GAREM1: variants seen among roughly 807,000 people sequenced by gnomAD.
GAREM1 encodes GRB2 associated regulator of MAPK1 subtype 1.
A neutral mutation model predicts 71.3 loss-of-function variants in GAREM1; 26 were observed. The observed-to-expected ratio is 0.36, with a 90% confidence interval of 0.27 to 0.51. The LOEUF (loss-of-function observed/expected upper bound fraction) is 0.51. GAREM1 is among the 20% of genes least tolerant of loss of function. The pLI is 0.95. For synonymous variants in GAREM1, 440 were observed against 433.2 expected (o/e 1.02, Z -0.20); for missense variants, 1,026 against 1,103.1 (o/e 0.93, Z 0.99).
At chr18:32,377,287 A>C (rs1483300522) in intron 2 of GAREM1, among the ~76,000 whole-genome samples, 1 of 152,194 alleles carries the variant, frequency 6.6e-6, no homozygotes, top group Non-Finnish European at 1.5e-5. Flanking sequence ...TGTTGCTTTA[A>C]GCCATAAGGA....
chr18:32,470,440 C>T lies in GAREM1; in HGVS notation c.-12G>A. On this transcript the variant is annotated 5_prime_UTR_variant, in exon 1 of 6. Transcript: ENST00000269209. This position sits in a 1 kb window ranked among gnomAD's most constrained non-coding sequence, Gnocchi z 4.4. ...GGCGCCGGGTCCATCTTCCCCGAAG[C>T]CTCCTGTCCCGCGCTCCCCCGCCGC... The T allele has an allele frequency of 7.1e-7, 1 of 1,405,016 alleles. No individual in the cohort carries two copies. Among genetic ancestry groups the T allele is most frequent in the Non-Finnish European group, 9.4e-7 (1 of 1,063,236 alleles). The allele number at this position is 1,405,016 out of a possible 1,614,324, so 87.0% of individuals were successfully genotyped here. A position where few individuals can be genotyped will look rare whatever the true frequency, so the allele number is the denominator to read the frequency against.
At chr18:32,412,425 C>T in intron 1 of GAREM1, 2 of 1,586,158 alleles carry the variant, frequency 1.3e-6, no homozygotes, top group Non-Finnish European at 1.7e-6. Context: ...AAAATTGCTT[C>T]CATCATTACC....
intron 1 of GAREM1, among the ~76,000 whole-genome samples, chr18:32,442,265 T>C (rs1283757617): frequency 6.6e-6 from 1 of 152,112 alleles, no homozygotes; most frequent in Non-Finnish European, 1.5e-5. Context: ...AACTCAGCTA[T>C]TTATAGCAAA....
rs755245616 is a variant in GAREM1, at chr18:32,392,938, G to A, written c.219C>T (p.His73=). 6.2e-7 allele frequency: 1 copy of A among 1,613,862 alleles called. No individual in the cohort carries two copies. Among genetic ancestry groups the A allele is most frequent in the South Asian group, 1.1e-5 (1 of 91,070 alleles). Residue 73 remains histidine, a synonymous_variant, in exon 2 of 6, where the codon CAC becomes CAT. Coordinates refer to ENST00000269209, the MANE Select transcript of GAREM1 (RefSeq NM_001242409.2). ...TCTCTATCTTTGGCCCAATGACATA[G>A]TGACCCTCCTCCAAGCTGTGGGCAG... is the stretch of plus-strand genomic sequence containing the variant. The part of the protein sequence containing the change: ...TITAHSLEEG[H]YVIGPKIEIP...
intron 2 of GAREM1, among the ~76,000 whole-genome samples, chr18:32,371,792 T>C (rs1320475712): frequency 6.6e-6 from 1 of 152,024 alleles, no homozygotes; most frequent in Non-Finnish European, 1.5e-5. Flanking sequence ...TGGTGATGTC[T>C]TGGTAGCCCT....
In GAREM1 at chr18:32,268,067, G is replaced by A. The variant is rs1320322008; in HGVS notation, c.2435C>T (p.Ser812Phe). The A allele has an allele frequency of 6.2e-7, 1 of 1,614,110 alleles. No homozygotes were observed. Residue 812 changes from serine to phenylalanine, a missense_variant, in exon 6 of 6, where the codon TCT becomes TTT. Ser to Phe is a radical substitution (Grantham distance 155, BLOSUM62 -2). Coordinates refer to ENST00000269209, the MANE Select transcript of GAREM1 (RefSeq NM_001242409.2). ...TAGTGACTTGGACACTTCCTCTATA[G>A]AGAGTCCTGATAGGTCAGCAGGTGG... is the stretch of plus-strand genomic sequence containing the variant. ...WQPPADLSGL[S>F]IEEVSKSLRF... is the part of the protein sequence containing the mutation.
chr18:32,433,352 G>GTT (rs2048642679), intron 1 of GAREM1, among the ~76,000 whole-genome samples: 1 of 150,922 alleles, frequency 6.6e-6, no homozygotes, highest in Non-Finnish European at 1.5e-5. Flanking sequence ...AAGAACAAAT[G>GTT]TTTTCCCCCT....
intron 1 of GAREM1, among the ~76,000 whole-genome samples, chr18:32,452,365 C>A (rs896564582): frequency 2.0e-5 from 3 of 152,142 alleles, no homozygotes; most frequent in Non-Finnish European, 4.4e-5. Context: ...CAGTATATTG[C>A]GGCTCTTCAA....
chr18:32,297,081 G>A (rs976536387), intron 3 of GAREM1, among the ~76,000 whole-genome samples: 2 of 152,146 alleles, frequency 1.3e-5, no homozygotes, highest in Non-Finnish European at 2.9e-5. Flanking sequence ...ATAGTCTATG[G>A]CTGTTTTCAC....
intron 2 of GAREM1, among the ~76,000 whole-genome samples, chr18:32,352,429 C>T (rs2047761438): frequency 6.6e-6 from 1 of 152,140 alleles, no homozygotes; most frequent in South Asian, 2.1e-4. Context: ...AATCTTTTCA[C>T]AGTCACTCCT....
chr18:32,371,702 A>G (rs1046789055), intron 2 of GAREM1, among the ~76,000 whole-genome samples: 1 of 152,054 alleles, frequency 6.6e-6, no homozygotes, highest in African/African-American at 2.4e-5. Context: ...TGGGCCCAGG[A>G]TGGTACTCTG....
chr18:32,451,009 T>G (rs1189870185), intron 1 of GAREM1, among the ~76,000 whole-genome samples: 1 of 151,658 alleles, frequency 6.6e-6, no homozygotes, highest in African/African-American at 2.4e-5. Context: ...ATTAGCCAGG[T>G]GTGGTGGCAC....
At chr18:32,339,032 G>T (rs55642668) in intron 2 of GAREM1, among the ~76,000 whole-genome samples, 17,208 of 152,116 alleles carry the variant, frequency 0.11, 1,939 homozygotes, top group African/African-American at 0.29. Context: ...TCTCCAGCCT[G>T]CTAGGTCTCT....
At chr18:32,355,482 T>C (rs1019832049) in intron 2 of GAREM1, among the ~76,000 whole-genome samples, 4 of 152,192 alleles carry the variant, frequency 2.6e-5, no homozygotes, top group Admixed American at 6.5e-5. Context: ...GAGAGAAAAG[T>C]GGTCAAAATA....
At chr18:32,363,941 C>T (rs550413676) in intron 2 of GAREM1, among the ~76,000 whole-genome samples, 129 of 123,068 alleles carry the variant, frequency 1.0e-3, no homozygotes, top group African/African-American at 3.5e-3. Context: ...TATACACATA[C>T]AAATGTATAA....
At chr18:32,269,058 A>G (rs571160169) in intron 5 of GAREM1, among the ~76,000 whole-genome samples, 1 of 152,300 alleles carries the variant, frequency 6.6e-6, no homozygotes, top group East Asian at 1.9e-4. Flanking sequence ...TGATGAGGAA[A>G]ATTATTAAGT....
At chr18:32,428,143 T>C (rs1391347347) in intron 1 of GAREM1, among the ~76,000 whole-genome samples, 2 of 152,208 alleles carry the variant, frequency 1.3e-5, no homozygotes, top group South Asian at 4.1e-4. Context: ...GACAAGCTTA[T>C]GAATAAAAAT....
At chr18:32,272,170 T>C (rs1318810146) in intron 4 of GAREM1, among the ~76,000 whole-genome samples, 2 of 151,830 alleles carry the variant, frequency 1.3e-5, no homozygotes, top group African/African-American at 4.8e-5. Context: ...CTGCATCTCC[T>C]ACTATCTACA....
At chr18:32,435,919 TA>T (rs978778037) in intron 1 of GAREM1, among the ~76,000 whole-genome samples, 1 of 152,056 alleles carries the variant, frequency 6.6e-6, no homozygotes, top group African/African-American at 2.4e-5. Flanking sequence ...GCTTTACAAG[TA>T]AAAAAATTGC....
Sources: allele counts gnomAD v4.1 joint callset (sites outside exome capture counted in the v4.1 genomes callset), GRCh38; gene constraint gnomAD v4.1.1; non-coding constraint Gnocchi (gnomAD v3.1); transcripts MANE v1.5; gene names NCBI Gene and HGNC (gene_info 2026-07-23, HGNC 2026-07-21).